Variants in PCDHA12 observed in about 807,000 individuals in gnomAD.
PCDHA12 encodes protocadherin alpha-12.
Under a neutral mutation model 60.0 loss-of-function variants are expected in PCDHA12, and 44 were observed. That is an observed-to-expected ratio of 0.73 (90% confidence interval 0.58 to 0.94). The LOEUF is 0.94. Among genes scored for constraint, PCDHA12 ranks in the 40% least tolerant of loss-of-function variants. PCDHA12 has a pLI of 0.00. For missense variants in PCDHA12, 1,276 were observed against 1,239.7 expected, an observed-to-expected ratio of 1.03 and a Z score of -0.44; for synonymous variants, 569 against 553.0, an observed-to-expected ratio of 1.03 and a Z score of -0.40.
chr5:140,971,019 G>A (rs908442935), intron 1 of PCDHA12, among the ~76,000 whole-genome samples: 2 of 152,174 alleles, frequency 1.3e-5, no homozygotes, highest in African/African-American at 2.4e-5. Flanking sequence ...TCTTTAGATC[G>A]TAGCATTTGA....
At chr5:140,982,713 A>G (rs2096998735) in intron 3 of PCDHA12, 150 bp downstream of exon 3, 2 of 1,373,774 alleles carry the variant, frequency 1.5e-6, no homozygotes, top group African/African-American at 1.5e-5. Flanking sequence ...CCTTACATAT[A>G]TGATTATTTT....
At chr5:140,999,947 G>A (rs993598998) in intron 3 of PCDHA12, among the ~76,000 whole-genome samples, 1 of 152,110 alleles carries the variant, frequency 6.6e-6, no homozygotes, top group Non-Finnish European at 1.5e-5. Flanking sequence ...CACCCAAAGA[G>A]GGTGAAATAC....
chr5:140,980,252 A>C (rs993133768), intron 2 of PCDHA12, among the ~76,000 whole-genome samples: 6 of 152,188 alleles, frequency 3.9e-5, no homozygotes, highest in African/African-American at 1.4e-4. Context: ...CAATGGGTAA[A>C]AGCATGGTTT....
chr5:140,949,313 A>G (rs989940621), intron 1 of PCDHA12, among the ~76,000 whole-genome samples: 1 of 151,952 alleles, frequency 6.6e-6, no homozygotes, highest in Non-Finnish European at 1.5e-5. Context: ...GTAATGATTT[A>G]TAAATATAAA....
intron 1 of PCDHA12, chr5:140,969,039 A>G: frequency 6.2e-7 from 1 of 1,614,130 alleles, no homozygotes; most frequent in Non-Finnish European, 8.5e-7. Context: ...GAACTGTACA[A>G]ACAAGCCAAC....
At chr5:140,881,224 A>G (rs1254771945) in intron 1 of PCDHA12, 1 of 264,386 alleles carries the variant, frequency 3.8e-6, no homozygotes, top group Non-Finnish European at 5.9e-6. Context: ...TTCTTGGAAA[A>G]TTAAAGTCAA....
At position 140,894,665 on chromosome 5, in the gene PCDHA12, G is replaced by T. The variant is rs189476056; in HGVS notation, c.2367+16826G>T. Among the ~76,000 whole-genome samples, 418 of 151,474 alleles carry T rather than the reference G, an allele frequency of 2.8e-3. 2 individuals are homozygous for T. Among genetic ancestry groups the T allele is most frequent in the Middle Eastern group, 0.011 (3 of 280 alleles). On this transcript the variant is annotated intron_variant, in intron 1 of 3. Transcript: ENST00000398631. ...CTGAGTCTCTCTAATTCTGATTTGT[G>T]TATTCTTGCATAGCTTTTCATTATT...
intron 1 of PCDHA12, among the ~76,000 whole-genome samples, chr5:140,922,827 A>G (rs2081011863): frequency 1.3e-5 from 2 of 152,244 alleles, no homozygotes; most frequent in South Asian, 4.1e-4. Context: ...GCATACTGCT[A>G]ATAGATGTCC....
At chr5:140,892,641 T>G (rs2063609688) in intron 1 of PCDHA12, among the ~76,000 whole-genome samples, 1 of 152,226 alleles carries the variant, frequency 6.6e-6, no homozygotes. Flanking sequence ...TTGTACATAT[T>G]TATAGGATAC....
chr5:140,968,107 G>A (rs200195064), intron 1 of PCDHA12: 58 of 1,613,992 alleles, frequency 3.6e-5, no homozygotes, highest in African/African-American at 5.3e-5. Context: ...GGGGAATACC[G>A]CAGCTCACAT....
chr5:140,876,155 T>C lies in PCDHA12; in HGVS notation c.683T>C (p.Ile228Thr), dbSNP rs1554168308. ...GKPELTGSVQ[I>T]QITVLDVNDN... Reference sequence around the variant, plus strand: ...CCAGAACTAACAGGGTCTGTCCAGATTCAAATAACCGTCCTGGATGTGAAT... The same window carrying C: ...CCAGAACTAACAGGGTCTGTCCAGACTCAAATAACCGTCCTGGATGTGAAT... Residue 228 changes from isoleucine to threonine, a missense_variant, in exon 1 of 4, where the codon ATT (isoleucine) becomes ACT (threonine). Ile to Thr is a moderately conservative substitution (Grantham distance 89). Coordinates refer to ENST00000398631, the MANE Select transcript of PCDHA12 (RefSeq NM_018903.4). 3 of 1,613,994 alleles carry C rather than the reference T, an allele frequency of 1.9e-6. No homozygotes were observed. Among genetic ancestry groups the C allele is most frequent in the Admixed American group, 3.3e-5 (2 of 60,026 alleles).
At chr5:140,882,367 C>G in intron 1 of PCDHA12, 22 of 1,614,228 alleles carry the variant, frequency 1.4e-5, no homozygotes, top group Non-Finnish European at 1.7e-5. Flanking sequence ...AGCTCCACTA[C>G]TCCGTCCCCG....
chr5:140,887,074 G>T (rs1554182860), intron 1 of PCDHA12, among the ~76,000 whole-genome samples: 2 of 151,506 alleles, frequency 1.3e-5, no homozygotes, highest in Non-Finnish European at 2.9e-5. Flanking sequence ...AATTCACTCA[G>T]CTTTTGTCTG....
intron 1 of PCDHA12, chr5:140,882,792 A>C (rs367665995): frequency 6.2e-7 from 1 of 1,614,144 alleles, no homozygotes; most frequent in Non-Finnish European, 8.5e-7. Flanking sequence ...CTGGATCCCA[A>C]CGATTATTTC....
intron 1 of PCDHA12, among the ~76,000 whole-genome samples, chr5:140,971,377 T>C (rs2096474353): frequency 6.6e-6 from 1 of 152,210 alleles, no homozygotes; most frequent in African/African-American, 2.4e-5. Flanking sequence ...AGTGCATGAC[T>C]TTAATAAAGG....
intron 1 of PCDHA12, among the ~76,000 whole-genome samples, chr5:140,908,968 C>T (rs1201886997): frequency 6.6e-6 from 1 of 152,092 alleles, no homozygotes; most frequent in African/African-American, 2.4e-5. Flanking sequence ...TCTTGATAGG[C>T]CCCACTCCAC....
intron 1 of PCDHA12, chr5:140,967,546 C>T (rs199955615): frequency 6.8e-6 from 11 of 1,613,824 alleles, no homozygotes; most frequent in Non-Finnish European, 8.5e-6. Context: ...TTGACCAGTC[C>T]ACTTATCGCG....
At chr5:140,978,910 T>C in intron 1 of PCDHA12, 39 bp from the exon 2 acceptor site, 1 of 1,613,896 alleles carries the variant, frequency 6.2e-7, no homozygotes, top group Non-Finnish European at 8.5e-7. Context: ...GAACATTGTC[T>C]TGTCATTTTA....
At chr5:140,911,614 G>C (rs1298073663) in intron 1 of PCDHA12, among the ~76,000 whole-genome samples, 1 of 152,152 alleles carries the variant, frequency 6.6e-6, no homozygotes, top group Non-Finnish European at 1.5e-5. Flanking sequence ...ATGTTCCTTA[G>C]TTCCCCACAT....
Sources: allele counts gnomAD v4.1 joint callset (sites outside exome capture counted in the v4.1 genomes callset), GRCh38; gene constraint gnomAD v4.1.1; transcripts MANE v1.5; gene names NCBI Gene and HGNC (gene_info 2026-07-23, HGNC 2026-07-21).